The following NME7 variants were observed in gnomAD, a reference collection of about 807,000 sequenced individuals.
NME7 encodes nucleoside diphosphate kinase 7.
NME7 carries 41 observed loss-of-function variants against 49.1 expected under a neutral mutation model. That is an observed-to-expected ratio of 0.83 (90% CI 0.65 to 1.08). The LOEUF is 1.08. Ranked by LOEUF, NME7 falls within the 50% of genes least tolerant of loss-of-function variation. NME7 has a pLI of 0.00. For missense variants in NME7, 423 were observed against 463.4 expected (o/e 0.91, Z 0.80); for synonymous variants, 139 against 150.6 (o/e 0.92, Z 0.56).
In NME7 at chr1:169,245,540, G is replaced by T. The variant is rs373553045; in HGVS notation, c.755-7853C>A. 4.6e-5 allele frequency among the ~76,000 whole-genome samples: 7 copies of T among 152,120 alleles called. No homozygotes were observed. The East Asian group carries it at 1.3e-3, about 29-fold the overall frequency. ...GAAATCTTGCAGTTTATTTTGGAAAGAAACTGAAAGAAAAGTTTTAATCGT... is the reference window on the plus strand; with the variant it reads ...GAAATCTTGCAGTTTATTTTGGAAATAAACTGAAAGAAAAGTTTTAATCGT... On this transcript the variant is annotated intron_variant, in intron 7 of 11. Transcript: ENST00000367811.
chr1:169,267,456 G>T (rs1453856095), intron 7 of NME7, among the ~76,000 whole-genome samples: 3 of 133,604 alleles, frequency 2.2e-5, no homozygotes, highest in African/African-American at 7.6e-5. Flanking sequence ...AGCCTGAATT[G>T]CCAAGGGAAC....
At chr1:169,221,846 T>G (rs956388064) in intron 10 of NME7, among the ~76,000 whole-genome samples, 3 of 151,994 alleles carry the variant, frequency 2.0e-5, no homozygotes, top group African/African-American at 7.2e-5. Flanking sequence ...GCCTGGCAAC[T>G]TTTGTATTTT....
chr1:169,318,744 C>T (rs1422510718), intron 3 of NME7, among the ~76,000 whole-genome samples: 2 of 151,698 alleles, frequency 1.3e-5, no homozygotes, highest in African/African-American at 2.4e-5. Context: ...TCATGGAGTA[C>T]ATAGAATCCC....
Position 169,137,305 on chromosome 1 carries a change from G to C in NME7, c.1099-4488C>G, listed in dbSNP as rs569751975. Reference sequence around the variant, plus strand: ...ATTCTTAATGAATTTTGAAAAAAAGGCCTGACATTTTTATTCTGCACCAGT... The same window carrying C: ...ATTCTTAATGAATTTTGAAAAAAAGCCCTGACATTTTTATTCTGCACCAGT... On this transcript the variant is annotated intron_variant, in intron 11 of 11. Transcript: ENST00000367811. Among the ~76,000 whole-genome samples, 133 of 152,342 alleles carry C rather than the reference G, an allele frequency of 8.7e-4. 1 individual carries two copies. The highest frequency in any genetic ancestry group is 5.9e-3 in the Admixed American group (91 of 15,306).
intron 10 of NME7, among the ~76,000 whole-genome samples, chr1:169,219,554 C>T (rs1039884551): frequency 7.2e-6 from 1 of 138,696 alleles, no homozygotes; most frequent in Admixed American, 7.1e-5. Context: ...CTAAGATAAC[C>T]TTTATCATAT....
At chr1:169,158,304 T>C (rs1659142629) in intron 11 of NME7, among the ~76,000 whole-genome samples, 1 of 152,298 alleles carries the variant, frequency 6.6e-6, no homozygotes, top group South Asian at 2.1e-4. Context: ...AACAATAAAA[T>C]AGCATAATTA....
intron 9 of NME7, among the ~76,000 whole-genome samples, chr1:169,231,457 A>G (rs1352071854): frequency 1.3e-5 from 2 of 152,154 alleles, no homozygotes; most frequent in Non-Finnish European, 1.5e-5. Flanking sequence ...AAAGACAAAG[A>G]TTGCACTTCG....
rs544285837 is a variant in NME7, at chr1:169,262,271, G to A, written c.755-24584C>T. On this transcript the variant is annotated intron_variant, in intron 7 of 11. Coordinates refer to ENST00000367811, the MANE Select transcript of NME7 (RefSeq NM_013330.5). ...TTCAGTCTTGTACACTCCAGCTCCA[G>A]TACAGCTCCCAGATGAATGAAGCCA... Among the ~76,000 whole-genome samples the A allele has an allele frequency of 4.1e-4, 55 of 134,224 alleles. 15 individuals are homozygous for A. Among genetic ancestry groups the A allele is most frequent in the Non-Finnish European group, 8.8e-4 (50 of 57,082 alleles). 88.1% of individuals were successfully genotyped at this position (134,224 alleles called of 152,430 possible).
Position 169,325,659 on chromosome 1 carries a change from T to A in NME7, c.4-1159A>T, listed in dbSNP as rs1652033620. ...ATTCTGGATTTGCCATCTGATGCTCTGGTTAGGGAAAATTTGGGGGTTCTT... is the reference window on the plus strand; with the variant it reads ...ATTCTGGATTTGCCATCTGATGCTCAGGTTAGGGAAAATTTGGGGGTTCTT... On this transcript the variant is annotated intron_variant, in intron 1 of 11. Transcript: ENST00000367811. 2.6e-5 allele frequency among the ~76,000 whole-genome samples: 4 copies of A among 152,162 alleles called. No homozygotes were observed. In the South Asian group the frequency reaches 8.3e-4, roughly 32 times the overall value.
chr1:169,277,437 G>A (rs1435640791), intron 7 of NME7, among the ~76,000 whole-genome samples: 1 of 126,002 alleles, frequency 7.9e-6, no homozygotes, highest in Non-Finnish European at 1.7e-5. Context: ...TTACCAATAT[G>A]TAATGGCCTT....
chr1:169,363,438 T>A (rs996664363), intron 1 of NME7, among the ~76,000 whole-genome samples: 1 of 152,122 alleles, frequency 6.6e-6, no homozygotes, highest in East Asian at 1.9e-4. Context: ...GTAGTGAATA[T>A]GTTAAGTTGC....
chr1:169,340,397 G>T (rs1012269450), intron 1 of NME7, among the ~76,000 whole-genome samples: 18 of 152,316 alleles, frequency 1.2e-4, no homozygotes, highest in African/African-American at 3.4e-4. Flanking sequence ...GCAGAACTGT[G>T]AGTCAGTTAA....
intron 11 of NME7, among the ~76,000 whole-genome samples, chr1:169,166,432 T>G (rs1409934387): frequency 6.6e-6 from 1 of 152,148 alleles, no homozygotes; most frequent in Non-Finnish European, 1.5e-5. Context: ...GCTAACAAAG[T>G]CATTTTCTAT....
Position 169,132,758 on chromosome 1 carries a change from C to T in NME7, c.*27G>A. ...ATTCACTCTTGTCTAAATGTCCCAA[C>T]CTGTGACTTCTTTACTTTCCACACC... is the stretch of plus-strand genomic sequence containing the variant. On this transcript the variant is annotated 3_prime_UTR_variant, in exon 12 of 12. Coordinates refer to ENST00000367811, the MANE Select transcript of NME7 (RefSeq NM_013330.5). 6.2e-7 allele frequency: 1 copy of T among 1,608,536 alleles called. No individual in the cohort carries two copies. The highest frequency in any genetic ancestry group is 8.5e-7 in the Non-Finnish European group (1 of 1,175,950).
chr1:169,280,647 G>A (rs1189874576), intron 7 of NME7, among the ~76,000 whole-genome samples: 12 of 147,704 alleles, frequency 8.1e-5, no homozygotes, highest in Non-Finnish European at 1.8e-4. Context: ...TGTAAGGAAG[G>A]GGTCCAGTTT....
At chr1:169,309,238 T>C (rs75015242) in intron 4 of NME7, among the ~76,000 whole-genome samples, 2,219 of 152,290 alleles carry the variant, frequency 0.015, 59 homozygotes, top group African/African-American at 0.05. Context: ...TGTTGCCTGG[T>C]GTAATGCCTA....
Position 169,303,191 on chromosome 1 carries a change from C to A in NME7, c.394G>T (p.Glu132Ter). ...KLKMMMLSRK[E>*]ALDFHVDHQS... ...TGATCTACATGAAAATCCAATGCTT[C>A]TTTCCTATAAAATAATCAAAAAGGC... is the stretch of plus-strand genomic sequence containing the variant. Residue 132 changes from glutamate to a stop codon, truncating the protein, a stop_gained, in exon 5 of 12, where the codon GAA becomes TAA. Transcript: ENST00000367811. LOFTEE classifies it high-confidence loss of function. 1 of 1,536,572 alleles carries A rather than the reference C, an allele frequency of 6.5e-7. No homozygotes were observed.
At chr1:169,198,149 A>G (rs1397818577) in intron 10 of NME7, among the ~76,000 whole-genome samples, 1 of 152,108 alleles carries the variant, frequency 6.6e-6, no homozygotes, top group Admixed American at 6.6e-5. Context: ...TAAAACCACA[A>G]TCAGACATCA....
chr1:169,157,449 C>A (rs1000913952), intron 11 of NME7, among the ~76,000 whole-genome samples: 5 of 152,172 alleles, frequency 3.3e-5, no homozygotes, highest in African/African-American at 1.2e-4. Flanking sequence ...TTTTAAGCTG[C>A]AAGAAACCCA....
Sources: gnomAD v4.1 joint callset for allele counts (sites outside exome capture counted in the v4.1 genomes callset) on GRCh38, gnomAD v4.1.1 for gene constraint, MANE v1.5 for transcripts, NCBI Gene and HGNC (gene_info 2026-07-23, HGNC 2026-07-21) for gene names.